The following DLG2 variants were observed in gnomAD, a reference collection of about 807,000 sequenced individuals.
The protein encoded by DLG2 is discs large MAGUK scaffold protein 2.
Under a neutral mutation model 132.5 loss-of-function variants are expected in DLG2, and 45 were observed. That is an observed-to-expected ratio of 0.34 (90% confidence interval 0.27 to 0.44). The LOEUF is 0.44. Among genes scored for constraint, DLG2 ranks in the 20% least tolerant of loss-of-function variants. The pLI is 1.00. For missense variants in DLG2, 1,045 were observed against 1,196.9 expected (o/e 0.87, Z 1.87); for synonymous variants, 424 against 419.6 (o/e 1.01, Z -0.13).
intron 4 of DLG2, among the ~76,000 whole-genome samples, chr11:85,228,469 C>T (rs1595544001): frequency 6.6e-6 from 1 of 151,982 alleles, no homozygotes; most frequent in East Asian, 1.9e-4. Flanking sequence ...AGAATGCTTC[C>T]CATTTAAGCT....
At chr11:85,267,891 T>TGC (rs1290516723) in intron 4 of DLG2, among the ~76,000 whole-genome samples, 1 of 151,566 alleles carries the variant, frequency 6.6e-6, no homozygotes. Flanking sequence ...TGTATGTGTG[T>TGC]GTGTGTGTGT....
intron 6 of DLG2, among the ~76,000 whole-genome samples, chr11:84,843,886 C>G (rs1352462234): frequency 6.6e-6 from 1 of 150,902 alleles, no homozygotes; most frequent in Non-Finnish European, 1.5e-5. Context: ...ATACTTATTT[C>G]TTTATTTATC....
chr11:84,681,302 A>T (rs1200643465), intron 6 of DLG2, among the ~76,000 whole-genome samples: 1 of 152,170 alleles, frequency 6.6e-6, no homozygotes, highest in Non-Finnish European at 1.5e-5. Flanking sequence ...CTCTGTGCTA[A>T]GTGATTTATC....
chr11:84,552,173 T>C (rs1184582782), intron 6 of DLG2, among the ~76,000 whole-genome samples: 1 of 152,146 alleles, frequency 6.6e-6, no homozygotes. Context: ...AATCAGCAGA[T>C]ATATTTGTTT....
At chr11:83,942,860 T>C (rs944511632) in intron 14 of DLG2, among the ~76,000 whole-genome samples, 20 of 152,250 alleles carry the variant, frequency 1.3e-4, no homozygotes, top group Non-Finnish European at 2.8e-4. Flanking sequence ...GTGGTAATCA[T>C]TTCACAATGT....
At chr11:84,607,333 A>AT (rs1190722740) in intron 6 of DLG2, among the ~76,000 whole-genome samples, 13 of 152,176 alleles carry the variant, frequency 8.5e-5, no homozygotes, top group Admixed American at 8.5e-4. Flanking sequence ...CGAGGCTCCA[A>AT]AGTCCTTTCT....
chr11:84,299,705 A>G (rs1289350589), intron 7 of DLG2, among the ~76,000 whole-genome samples: 2 of 152,238 alleles, frequency 1.3e-5, no homozygotes, highest in Non-Finnish European at 2.9e-5. Flanking sequence ...AAACGAGTCC[A>G]TAGGGAACTC....
intron 6 of DLG2, among the ~76,000 whole-genome samples, chr11:84,895,142 T>G (rs548672461): frequency 6.6e-6 from 1 of 152,294 alleles, no homozygotes; most frequent in Admixed American, 6.5e-5. Context: ...TTTACATGAT[T>G]TGCCTCATTT....
chr11:84,474,150 C>G (rs2099115652), intron 7 of DLG2, among the ~76,000 whole-genome samples: 1 of 151,992 alleles, frequency 6.6e-6, no homozygotes. Context: ...TCCCTTGTAT[C>G]AAGTGGGATC....
chr11:84,434,676 T>C (rs957050680), intron 7 of DLG2, among the ~76,000 whole-genome samples: 1 of 152,142 alleles, frequency 6.6e-6, no homozygotes, highest in African/African-American at 2.4e-5. Context: ...ATGATGGTCA[T>C]TTTGTGATGC....
chr11:85,197,017 T>C (rs2081120379), intron 4 of DLG2, among the ~76,000 whole-genome samples: 1 of 152,172 alleles, frequency 6.6e-6, no homozygotes, highest in Non-Finnish European at 1.5e-5. Context: ...TTATACAAAG[T>C]CTAAATTTTT....
chr11:85,118,757 C>T (rs1181648363), intron 5 of DLG2, among the ~76,000 whole-genome samples: 3 of 151,874 alleles, frequency 2.0e-5, no homozygotes, highest in Admixed American at 6.6e-5. Context: ...GGTTACAATG[C>T]CAGAGTTTTC....
intron 18 of DLG2, among the ~76,000 whole-genome samples, chr11:83,646,144 A>C (rs2153501221): frequency 6.6e-6 from 1 of 152,280 alleles, no homozygotes; most frequent in East Asian, 1.9e-4. Flanking sequence ...CAGAAACAGC[A>C]GGTTTCTATT....
At chr11:83,805,005 G>A (rs2045539985) in intron 17 of DLG2, among the ~76,000 whole-genome samples, 1 of 151,990 alleles carries the variant, frequency 6.6e-6, no homozygotes, top group African/African-American at 2.4e-5. Context: ...GAATTTGTCT[G>A]ATTGTTTCTT....
At chr11:84,724,758 G>T (rs886090141) in intron 6 of DLG2, among the ~76,000 whole-genome samples, 1 of 152,120 alleles carries the variant, frequency 6.6e-6, no homozygotes, top group Non-Finnish European at 1.5e-5. Flanking sequence ...AAATATTTTT[G>T]ATGACTTTCA....
At chr11:85,159,957 T>C (rs2077897511) in intron 4 of DLG2, among the ~76,000 whole-genome samples, 1 of 152,198 alleles carries the variant, frequency 6.6e-6, no homozygotes, top group Non-Finnish European at 1.5e-5. Flanking sequence ...CACACTGGAC[T>C]TATTGGTGAG....
At chr11:84,039,314 A>C (rs1416027560) in intron 11 of DLG2, among the ~76,000 whole-genome samples, 1 of 149,408 alleles carries the variant, frequency 6.7e-6, no homozygotes, top group East Asian at 2.0e-4. Context: ...GGTGCGCTGC[A>C]CCCACTAACT....
At chr11:85,122,013 CCACT>C (rs1239593431) in intron 5 of DLG2, among the ~76,000 whole-genome samples, 2 of 151,864 alleles carry the variant, frequency 1.3e-5, no homozygotes, top group African/African-American at 2.4e-5. Flanking sequence ...AGAATTTCAC[CCACT>C]CATTCACTTA....
At chr11:84,303,450 A>G (rs1007661188) in intron 7 of DLG2, among the ~76,000 whole-genome samples, 1 of 152,234 alleles carries the variant, frequency 6.6e-6, no homozygotes, top group African/African-American at 2.4e-5. Context: ...TTTAATGATG[A>G]AAATGATGAA....
Sources: allele counts gnomAD v4.1 joint callset (sites outside exome capture counted in the v4.1 genomes callset), GRCh38; gene constraint gnomAD v4.1.1; transcripts MANE v1.5; gene names NCBI Gene and HGNC (gene_info 2026-07-23, HGNC 2026-07-21).